The following SCLT1 variants were observed in gnomAD, a reference collection of about 807,000 sequenced individuals.
The protein encoded by SCLT1 is sodium channel and clathrin linker 1.
A neutral mutation model predicts 112.8 loss-of-function variants in SCLT1; 78 were observed. The ratio of observed to expected loss-of-function variants is 0.69; its 90% CI spans 0.58 to 0.83. The LOEUF is 0.83. Ranked by LOEUF, SCLT1 falls within the 40% of genes least tolerant of loss-of-function variation. The pLI is 0.00. For missense variants in SCLT1, 747 were observed against 770.4 expected (o/e 0.97, Z 0.36); for synonymous variants, 257 against 254.7 (o/e 1.01, Z -0.09).
chr4:128,988,259 C>A, intron 9 of SCLT1, among the ~76,000 whole-genome samples: 2 of 151,678 alleles, frequency 1.3e-5, no homozygotes, highest in Admixed American at 6.6e-5. Flanking sequence ...ACAGACTTAC[C>A]AAAAATTATA....
At chr4:128,920,484 G>A (rs1241735756) in intron 18 of SCLT1, among the ~76,000 whole-genome samples, 1 of 152,190 alleles carries the variant, frequency 6.6e-6, no homozygotes, top group African/African-American at 2.4e-5. Flanking sequence ...TAGAGATGGG[G>A]TTTTGCCATG....
At chr4:128,940,513 T>C (rs1737600998) in intron 17 of SCLT1, among the ~76,000 whole-genome samples, 2 of 152,004 alleles carry the variant, frequency 1.3e-5, no homozygotes, top group South Asian at 4.1e-4. Flanking sequence ...AATTTTTCAA[T>C]CATAGGGTGT....
intron 4 of SCLT1, among the ~76,000 whole-genome samples, chr4:128,875,488 C>T (rs982593626): frequency 1.3e-5 from 2 of 151,668 alleles, no homozygotes; most frequent in South Asian, 2.1e-4. Context: ...AAAACAGAAT[C>T]GTTGAAACAA....
Position 128,888,702 on chromosome 4 carries a change from T to G in SCLT1, c.1981A>C (p.Arg661=). The G allele has an allele frequency of 5.0e-6, 8 of 1,611,654 alleles. No individual in the cohort carries two copies. The highest frequency in any genetic ancestry group is 6.8e-6 in the Non-Finnish European group (8 of 1,178,034). ...ACCTGCTGGGAAGCTGAAGCAGCTC[T>G]CTCTTCTGCCTGACTTAGACGCCTT... The part of the protein sequence containing the change: ...LQRRLSQAEE[R]AASASQQLSV... Residue 661 remains arginine (R), a synonymous_variant, in exon 20 of 21, where the codon AGA becomes CGA. Coordinates refer to ENST00000281142, the MANE Select transcript of SCLT1 (RefSeq NM_144643.4).
chr4:128,996,040 A>G (rs1742988429), intron 8 of SCLT1, among the ~76,000 whole-genome samples: 1 of 151,928 alleles, frequency 6.6e-6, no homozygotes, highest in Admixed American at 6.6e-5. Context: ...CCCTCAGAAA[A>G]TTTGGGGTGA....
At chr4:128,928,043 T>A (rs1367581606) in intron 18 of SCLT1, among the ~76,000 whole-genome samples, 1 of 152,072 alleles carries the variant, frequency 6.6e-6, no homozygotes, top group South Asian at 2.1e-4. Flanking sequence ...ACTATGTCAA[T>A]GAAGAAATAT....
chr4:129,091,127 G>A (rs576439275), intron 1 of SCLT1, among the ~76,000 whole-genome samples: 19 of 152,078 alleles, frequency 1.2e-4, no homozygotes, highest in Middle Eastern at 3.4e-3. Flanking sequence ...TATTTAGGTG[G>A]GTCACTTAAT....
intron 5 of SCLT1, among the ~76,000 whole-genome samples, chr4:129,018,126 G>A (rs574159564): frequency 8.5e-5 from 13 of 152,338 alleles, no homozygotes; most frequent in South Asian, 6.2e-4. Context: ...GCCATACTAC[G>A]CTTCTTAGAT....
At chr4:129,078,296 T>C (rs1425614669) in intron 2 of SCLT1, among the ~76,000 whole-genome samples, 1 of 152,198 alleles carries the variant, frequency 6.6e-6, no homozygotes, top group Non-Finnish European at 1.5e-5. Context: ...CATTATGCTA[T>C]CTGTTAAAAA....
intron 5 of SCLT1, among the ~76,000 whole-genome samples, chr4:129,012,199 T>C (rs780760360): frequency 4.6e-5 from 7 of 152,208 alleles, no homozygotes; most frequent in Non-Finnish European, 1.0e-4. Context: ...AACACTGCCT[T>C]AGCTGTGTCC....
intron 5 of SCLT1, among the ~76,000 whole-genome samples, chr4:129,023,473 C>CA (rs897934022): frequency 6.6e-6 from 1 of 151,100 alleles, no homozygotes; most frequent in Admixed American, 6.6e-5. Context: ...AAATGAAAAG[C>CA]AAAAAAAAGC....
At chr4:129,006,584 TC>T (rs1744047694) in intron 5 of SCLT1, among the ~76,000 whole-genome samples, 1 of 151,848 alleles carries the variant, frequency 6.6e-6, no homozygotes, top group African/African-American at 2.4e-5. Context: ...ATCGTAATTG[TC>T]CCCCATTGAT....
chr4:128,959,878 T>G, intron 11 of SCLT1, 101 bp from the exon 12 acceptor site: 1 of 822,642 alleles, frequency 1.2e-6, no homozygotes, highest in Non-Finnish European at 2.0e-6. Context: ...GCCAGTAACT[T>G]TCACATGTAT....
intron 18 of SCLT1, among the ~76,000 whole-genome samples, chr4:128,915,133 A>C (rs368524498): frequency 2.6e-4 from 40 of 152,342 alleles, no homozygotes; most frequent in African/African-American, 8.9e-4. Context: ...CCAACACTAT[A>C]CTATAGACTG....
intron 5 of SCLT1, among the ~76,000 whole-genome samples, chr4:129,006,935 C>T (rs1006812406): frequency 3.3e-5 from 5 of 152,172 alleles, no homozygotes; most frequent in African/African-American, 7.2e-5. Context: ...GCAACGCCGA[C>T]GTTATGTTAT....
At chr4:128,885,371 C>T (rs942484251) in intron 20 of SCLT1, among the ~76,000 whole-genome samples, 8 of 152,004 alleles carry the variant, frequency 5.3e-5, no homozygotes, top group East Asian at 1.9e-4. Context: ...AGTATGTTTC[C>T]GTAAATATTT....
chr4:129,019,784 T>G (rs1161298348), intron 5 of SCLT1, among the ~76,000 whole-genome samples: 1 of 152,088 alleles, frequency 6.6e-6, no homozygotes, highest in African/African-American at 2.4e-5. Context: ...ACTGCCACAG[T>G]GCAGCATTTC....
In SCLT1 at chr4:128,943,013, T is replaced by C. The variant is rs774139322; in HGVS notation, c.1615A>G (p.Lys539Glu). Residue 539 changes from lysine to glutamate, a missense_variant, in exon 17 of 21, where the codon AAA (lysine) becomes GAA (glutamate). Around this residue, in one of 2 missense-constraint regions of SCLT1, gnomAD observed 723 missense variants for 721.3 expected, o/e 1.00. Transcript: ENST00000281142. ...SLRKIALEAQ[K>E]KAKVKISTME... Reference sequence around the variant, plus strand: ...GAAAATACCTTTACTTTGGCTTTTTTTTGAGCCTCCAGGGCAATCTTCCTT... The same window carrying C: ...GAAAATACCTTTACTTTGGCTTTTTCTTGAGCCTCCAGGGCAATCTTCCTT... 2 of 1,605,482 alleles carry C rather than the reference T, an allele frequency of 1.2e-6. No individual in the cohort carries two copies. Among genetic ancestry groups the C allele is most frequent in the Non-Finnish European group, 1.7e-6 (2 of 1,177,354 alleles).
chr4:129,090,062 C>T (rs891044808), intron 1 of SCLT1, among the ~76,000 whole-genome samples: 1 of 151,980 alleles, frequency 6.6e-6, no homozygotes, highest in Non-Finnish European at 1.5e-5. Flanking sequence ...AAATCAGAAA[C>T]TGAAAGTAAA....
Sources: gnomAD v4.1 joint callset for allele counts (sites outside exome capture counted in the v4.1 genomes callset) on GRCh38, gnomAD v4.1.1 for gene constraint, gnomAD v4.1.1 regional missense constraint, MANE v1.5 for transcripts, NCBI Gene and HGNC (gene_info 2026-07-23, HGNC 2026-07-21) for gene names.